Variants in SOX6 observed in about 807,000 individuals in gnomAD.
SOX6 encodes the protein transcription factor SOX-6.
A neutral mutation model predicts 97.8 loss-of-function variants in SOX6; 11 were observed. The observed-to-expected ratio is 0.11, with a 90% CI of 0.07 to 0.19. SOX6 has a LOEUF of 0.19. Ranked by LOEUF, SOX6 falls within the 10% of genes least tolerant of loss-of-function variation. The pLI, the probability that SOX6 is intolerant of heterozygous loss-of-function variation, is 1.00. For missense variants in SOX6, 810 were observed against 1,039.5 expected, an observed-to-expected ratio of 0.78 and a Z score of 3.04; for synonymous variants, 360 against 371.4, an observed-to-expected ratio of 0.97 and a Z score of 0.35.
At chr11:16,015,222 G>C in intron 12 of SOX6, 172 bp from the exon 13 acceptor site, 1 of 649,616 alleles carries the variant, frequency 1.5e-6, no homozygotes, top group South Asian at 1.8e-5. Context: ...TTGTGACATG[G>C]ACAGCACTGA....
chr11:16,521,057 C>T (rs752860958), intron 4 of SOX6, among the ~76,000 whole-genome samples: 10 of 152,248 alleles, frequency 6.6e-5, no homozygotes, highest in East Asian at 5.8e-4. Context: ...GGCAGGGCAC[C>T]GACAAACGAA....
At chr11:16,218,905 G>A (rs72867946) in intron 4 of SOX6, among the ~76,000 whole-genome samples, 7,817 of 152,030 alleles carry the variant, frequency 0.051, 316 homozygotes, top group Non-Finnish European at 0.07. Flanking sequence ...CGTGAAACAT[G>A]TACTTTTCTT....
At chr11:16,299,322 T>C (rs1855185300) in intron 3 of SOX6, among the ~76,000 whole-genome samples, 1 of 152,122 alleles carries the variant, frequency 6.6e-6, no homozygotes, top group Admixed American at 6.6e-5. Flanking sequence ...TCCCAAGTGA[T>C]CACAGGCACG....
intron 6 of SOX6, among the ~76,000 whole-genome samples, chr11:16,125,121 T>C (rs1051405266): frequency 6.6e-6 from 1 of 152,092 alleles, no homozygotes; most frequent in Non-Finnish European, 1.5e-5. Context: ...AGTGATTCCA[T>C]ATAAGATAGA....
At chr11:16,284,234 A>G (rs1422614455) in intron 3 of SOX6, among the ~76,000 whole-genome samples, 1 of 152,104 alleles carries the variant, frequency 6.6e-6, no homozygotes, top group Non-Finnish European at 1.5e-5. Flanking sequence ...ATTAATTTTC[A>G]TAGAGTTTAT....
chr11:16,168,406 T>C (rs943059990), intron 6 of SOX6, among the ~76,000 whole-genome samples: 1 of 152,196 alleles, frequency 6.6e-6, no homozygotes, highest in African/African-American at 2.4e-5. Flanking sequence ...AATTAATTCA[T>C]GTCATAAATA....
intron 3 of SOX6, among the ~76,000 whole-genome samples, chr11:16,284,376 C>T (rs1854670401): frequency 6.6e-6 from 1 of 152,086 alleles, no homozygotes; most frequent in Admixed American, 6.6e-5. Flanking sequence ...ACAAGTAAAC[C>T]TAGTTTTACT....
chr11:16,445,351 A>T (rs1375962578), intron 1 of SOX6, among the ~76,000 whole-genome samples: 2 of 152,156 alleles, frequency 1.3e-5, no homozygotes, highest in Non-Finnish European at 2.9e-5. Context: ...TGAATATACT[A>T]ATGCTTTAAT....
chr11:16,406,945 T>C (rs2133050778), intron 1 of SOX6, among the ~76,000 whole-genome samples: 1 of 152,244 alleles, frequency 6.6e-6, no homozygotes. Context: ...CTTATCTCCA[T>C]TGACTTCCAA....
intron 4 of SOX6, among the ~76,000 whole-genome samples, chr11:16,200,536 G>A (rs1851906243): frequency 6.6e-6 from 1 of 152,098 alleles, no homozygotes; most frequent in Non-Finnish European, 1.5e-5. Context: ...CCATCATACT[G>A]ACACATCTAT....
intron 3 of SOX6, among the ~76,000 whole-genome samples, chr11:16,640,647 A>C (rs1283120415): frequency 1.3e-5 from 2 of 152,086 alleles, no homozygotes; most frequent in Non-Finnish European, 2.9e-5. Context: ...GGGAGGGCGT[A>C]TGTGTCGAGG....
rs533715740 is a variant in SOX6, at chr11:16,232,638, T to C, written c.535+1944A>G. ...TATACCCTGAAGTACAAAAACTCCATGTTGAATTATAACATAATAAAATGT... is the reference window on the plus strand; with the variant it reads ...TATACCCTGAAGTACAAAAACTCCACGTTGAATTATAACATAATAAAATGT... On this transcript the variant is annotated intron_variant, in intron 4 of 15. Transcript: ENST00000683767. Among the ~76,000 whole-genome samples the C allele has an allele frequency of 2.6e-5, 4 of 152,196 alleles. No individual in the cohort carries two copies. The South Asian group carries it at 8.3e-4, about 32-fold the overall frequency.
chr11:16,398,928 A>G (rs1273749971), intron 1 of SOX6, among the ~76,000 whole-genome samples: 1 of 151,358 alleles, frequency 6.6e-6, no homozygotes, highest in Non-Finnish European at 1.5e-5. Context: ...ATTTATTTTT[A>G]TTTTCATAGA....
rs539154222 is a variant in SOX6, at chr11:16,580,343, T to C, written n.609+31738A>G. Among the ~76,000 whole-genome samples, 5 of 152,212 alleles carry C rather than the reference T, an allele frequency of 3.3e-5. No homozygotes were observed. The South Asian group carries it at 6.2e-4, about 19-fold the overall frequency. ...ATGTTCTAGTAATATATTCTTTATATAAATTCAATTACCAGGACAAGATGC... is the reference window on the plus strand; with the variant it reads ...ATGTTCTAGTAATATATTCTTTATACAAATTCAATTACCAGGACAAGATGC... On this transcript the variant is annotated intron_variant and non_coding_transcript_variant, in intron 4 of 5. Transcript: ENST00000524520.
intron 4 of SOX6, among the ~76,000 whole-genome samples, chr11:16,512,776 T>C (rs1352850268): frequency 6.6e-6 from 1 of 152,238 alleles, no homozygotes; most frequent in East Asian, 1.9e-4. Context: ...TAAAGCCTGC[T>C]TGATCATGAA....
At chr11:16,119,939 A>C (rs1188190963) in intron 6 of SOX6, among the ~76,000 whole-genome samples, 1 of 152,160 alleles carries the variant, frequency 6.6e-6, no homozygotes, top group Admixed American at 6.6e-5. Flanking sequence ...AATTTAGGAC[A>C]CACATTTTCT....
chr11:16,591,993 G>A (rs781212119), intron 4 of SOX6, among the ~76,000 whole-genome samples: 2 of 151,980 alleles, frequency 1.3e-5, no homozygotes, highest in Non-Finnish European at 2.9e-5. Context: ...AAGCATATTC[G>A]ATTATAGGAT....
intron 3 of SOX6, among the ~76,000 whole-genome samples, chr11:16,631,792 T>C (rs1848710660): frequency 6.6e-6 from 1 of 152,222 alleles, no homozygotes; most frequent in South Asian, 2.1e-4. Flanking sequence ...AAATTCTTTT[T>C]CTTTATTTTT....
At chr11:16,594,197 A>T (rs1848184754) in intron 4 of SOX6, among the ~76,000 whole-genome samples, 1 of 152,216 alleles carries the variant, frequency 6.6e-6, no homozygotes, top group African/African-American at 2.4e-5. Flanking sequence ...CACAGGTTGT[A>T]TATATATGAA....
Sources: gnomAD v4.1 joint callset for allele counts (sites outside exome capture counted in the v4.1 genomes callset) on GRCh38, gnomAD v4.1.1 for gene constraint, MANE v1.5 for transcripts, NCBI Gene and HGNC (gene_info 2026-07-23, HGNC 2026-07-21) for gene names.